SMYD3: variants seen among roughly 807,000 people sequenced by gnomAD.
SMYD3 encodes histone-lysine N-methyltransferase SMYD3.
Under a neutral mutation model 57.7 loss-of-function variants are expected in SMYD3, and 36 were observed. That is an observed-to-expected ratio of 0.62 (90% CI 0.48 to 0.82). The LOEUF is 0.82. Ranked by LOEUF, SMYD3 falls within the 40% of genes least tolerant of loss-of-function variation. The probability of loss-of-function intolerance (pLI) is 0.00; values close to 1 mark genes in which losing one functional copy is unlikely to be tolerated. For synonymous variants in SMYD3, 211 were observed against 195.0 expected, an observed-to-expected ratio of 1.08 and a Z score of -0.68; for missense variants, 515 against 538.8, an observed-to-expected ratio of 0.96 and a Z score of 0.44.
chr1:246,013,068 A>C (rs2059312965), intron 5 of SMYD3, among the ~76,000 whole-genome samples: 2 of 152,268 alleles, frequency 1.3e-5, no homozygotes, highest in Non-Finnish European at 2.9e-5. Context: ...CCGAGAAGAC[A>C]AGACCACGTT....
chr1:246,235,957 T>C (rs2063507139), intron 5 of SMYD3, among the ~76,000 whole-genome samples: 1 of 152,082 alleles, frequency 6.6e-6, no homozygotes, highest in Admixed American at 6.6e-5. Flanking sequence ...AAACAAGATA[T>C]AAAACATTTC....
chr1:246,134,048 G>C (rs1321206518), intron 5 of SMYD3, among the ~76,000 whole-genome samples: 6 of 152,084 alleles, frequency 3.9e-5, no homozygotes, highest in Non-Finnish European at 8.8e-5. Flanking sequence ...ACAGCCCGGG[G>C]AAATGACTAG....
intron 5 of SMYD3, among the ~76,000 whole-genome samples, chr1:246,066,792 AG>A (rs992147517): frequency 2.0e-5 from 3 of 152,220 alleles, no homozygotes; most frequent in African/African-American, 7.2e-5. Context: ...ATTATCTGAA[AG>A]CACTGGTGCA....
intron 5 of SMYD3, among the ~76,000 whole-genome samples, chr1:245,941,294 T>C (rs2057234518): frequency 6.6e-6 from 1 of 151,912 alleles, no homozygotes; most frequent in Admixed American, 6.6e-5. Context: ...AGACCAACAT[T>C]CAAACTCAAA....
intron 1 of SMYD3, among the ~76,000 whole-genome samples, chr1:246,404,886 T>TA (rs1281114689): frequency 6.6e-6 from 1 of 152,208 alleles, no homozygotes; most frequent in Non-Finnish European, 1.5e-5. Context: ...AGTCCTGACT[T>TA]AGACACTAAT....
intron 5 of SMYD3, among the ~76,000 whole-genome samples, chr1:246,132,493 A>C (rs1291058234): frequency 6.6e-6 from 1 of 152,118 alleles, no homozygotes. Context: ...CATATACAAA[A>C]ATTAAAGCAC....
At chr1:246,427,393 G>A (rs1336218387) in intron 1 of SMYD3, among the ~76,000 whole-genome samples, 4 of 150,712 alleles carry the variant, frequency 2.7e-5, no homozygotes, top group Admixed American at 6.6e-5. Context: ...AGTGGCGGGC[G>A]CCTGTAGTCC....
intron 1 of SMYD3, among the ~76,000 whole-genome samples, chr1:246,444,251 A>G (rs1558468080): frequency 2.6e-5 from 4 of 151,174 alleles, no homozygotes; most frequent in Non-Finnish European, 4.4e-5. Flanking sequence ...TCAGCCTCCC[A>G]AGTAGTTGGG....
chr1:246,215,407 C>T (rs1237255699), intron 5 of SMYD3, among the ~76,000 whole-genome samples: 2 of 152,030 alleles, frequency 1.3e-5, no homozygotes, highest in Admixed American at 1.3e-4. Flanking sequence ...AAAGAGTCAG[C>T]ACACCCATAT....
At chr1:246,210,055 A>T (rs1261954015) in intron 5 of SMYD3, among the ~76,000 whole-genome samples, 4 of 152,132 alleles carry the variant, frequency 2.6e-5, no homozygotes, top group African/African-American at 9.7e-5. Flanking sequence ...TCACCTAGAG[A>T]GCCTGTTTAA....
intron 5 of SMYD3, among the ~76,000 whole-genome samples, chr1:246,146,058 A>G (rs1161070746): frequency 6.6e-6 from 1 of 152,168 alleles, no homozygotes; most frequent in Non-Finnish European, 1.5e-5. Context: ...CGAAGTGCCA[A>G]TTGTTGAGGA....
intron 5 of SMYD3, among the ~76,000 whole-genome samples, chr1:246,323,633 G>C (rs923552898): frequency 6.6e-6 from 1 of 152,164 alleles, no homozygotes. Flanking sequence ...GTGCAAGTTT[G>C]ATAAAGATAT....
intron 5 of SMYD3, among the ~76,000 whole-genome samples, chr1:246,146,287 T>A (rs541491072): frequency 1.6e-4 from 24 of 152,328 alleles, no homozygotes; most frequent in African/African-American, 5.8e-4. Context: ...TTCTTAAAAC[T>A]AAAATTTCTA....
intron 5 of SMYD3, among the ~76,000 whole-genome samples, chr1:246,046,491 G>C (rs1031662740): frequency 6.6e-6 from 1 of 152,058 alleles, no homozygotes; most frequent in African/African-American, 2.4e-5. Context: ...GGTGGGAGTG[G>C]GGAGGGATAG....
At chr1:246,311,557 A>T (rs892114310) in intron 5 of SMYD3, among the ~76,000 whole-genome samples, 1 of 152,242 alleles carries the variant, frequency 6.6e-6, no homozygotes, top group Non-Finnish European at 1.5e-5. Flanking sequence ...ATTTCTACCA[A>T]ATCAGAATAA....
intron 1 of SMYD3, 63 bp downstream of exon 1, chr1:246,506,991 C>T: frequency 6.1e-6 from 5 of 815,390 alleles, no homozygotes; most frequent in Non-Finnish European, 6.6e-6. Context: ...CGCCCGACGC[C>T]CCCCCCTCCC....
intron 5 of SMYD3, among the ~76,000 whole-genome samples, chr1:246,114,643 T>C (rs1038125853): frequency 3.3e-5 from 5 of 152,126 alleles, no homozygotes; most frequent in Admixed American, 1.3e-4. Context: ...TTTGTTGTTG[T>C]TGTTTCGAGA....
intron 5 of SMYD3, among the ~76,000 whole-genome samples, chr1:246,311,643 G>T (rs1181884946): frequency 6.6e-6 from 1 of 152,120 alleles, no homozygotes; most frequent in African/African-American, 2.4e-5. Context: ...CGCGTGACAC[G>T]CATACACACA....
At chr1:246,205,055 AAT>A (rs2148374806) in intron 5 of SMYD3, among the ~76,000 whole-genome samples, 1 of 152,314 alleles carries the variant, frequency 6.6e-6, no homozygotes, top group East Asian at 1.9e-4. Flanking sequence ...AACTACACTG[AAT>A]TTAGCCTCTT....
Sources: allele counts gnomAD v4.1 joint callset (sites outside exome capture counted in the v4.1 genomes callset), GRCh38; gene constraint gnomAD v4.1.1; transcripts MANE v1.5; gene names NCBI Gene and HGNC (gene_info 2026-07-23, HGNC 2026-07-21).